Variants in KHDRBS2 observed in about 807,000 individuals in gnomAD.
The protein encoded by KHDRBS2 is KH RNA binding domain containing, signal transduction associated 2, also known as KH domain-containing, RNA-binding, signal transduction-associated protein 2.
KHDRBS2 carries 26 observed loss-of-function variants against 44.3 expected under a neutral mutation model. That is an observed-to-expected ratio of 0.59 (90% CI 0.43 to 0.81). The LOEUF is 0.81. KHDRBS2 is among the 40% of genes least tolerant of loss of function. The pLI is 0.00. For synonymous variants in KHDRBS2, 194 were observed against 151.1 expected (o/e 1.28, Z -2.08); for missense variants, 476 against 433.1 (o/e 1.10, Z -0.88).
chr6:61,701,674 G>A lies in KHDRBS2; in HGVS notation c.894-4421C>T, dbSNP rs372332492. Among the ~76,000 whole-genome samples, 16 of 152,012 alleles carry A rather than the reference G, an allele frequency of 1.1e-4. 1 individual carries two copies. The highest frequency in any genetic ancestry group is 1.0e-3 in the South Asian group (5 of 4,818). On this transcript the variant is annotated intron_variant, in intron 7 of 8. Transcript: ENST00000281156. The stretch of plus-strand genomic sequence containing the variant: ...AAAGAGAACTGAGGTTGCCAGATGC[G>A]CTTATTAAAAAGACAAAACAAAACA...
chr6:62,010,645 T>C (rs946387552), intron 3 of KHDRBS2, among the ~76,000 whole-genome samples: 11 of 152,152 alleles, frequency 7.2e-5, no homozygotes, highest in African/African-American at 2.7e-4. Context: ...CAGGCTGTTC[T>C]TGTGATAATA....
intron 2 of KHDRBS2, among the ~76,000 whole-genome samples, chr6:62,050,961 A>T (rs138940676): frequency 6.6e-6 from 1 of 152,118 alleles, no homozygotes; most frequent in Non-Finnish European, 1.5e-5. Context: ...ACTGATTGAC[A>T]CAACAACCTG....
At chr6:61,994,489 A>G (rs1776795619) in intron 3 of KHDRBS2, among the ~76,000 whole-genome samples, 1 of 152,184 alleles carries the variant, frequency 6.6e-6, no homozygotes, top group South Asian at 2.1e-4. Flanking sequence ...GTTTTGCTCT[A>G]AACAGTCACT....
chr6:61,575,275 C>A, the KHDRBS2 span, among the ~76,000 whole-genome samples: 1 of 152,030 alleles, frequency 6.6e-6, no homozygotes, highest in African/African-American at 2.4e-5. Flanking sequence ...AAGAAAAACA[C>A]AAATAATCCC....
At chr6:61,560,230 G>A in the KHDRBS2 span, among the ~76,000 whole-genome samples, 1 of 152,018 alleles carries the variant, frequency 6.6e-6, no homozygotes, top group Admixed American at 6.6e-5. Flanking sequence ...AAAAATCAAC[G>A]ATCCTTTCTT....
chr6:61,593,020 T>C, the KHDRBS2 span, among the ~76,000 whole-genome samples: 2 of 152,080 alleles, frequency 1.3e-5, no homozygotes, highest in Admixed American at 6.6e-5. Flanking sequence ...TCTATAGAAA[T>C]AGAAGAAGAA....
chr6:61,854,573 C>G (rs1340763595), intron 6 of KHDRBS2, among the ~76,000 whole-genome samples: 1 of 152,116 alleles, frequency 6.6e-6, no homozygotes, highest in Non-Finnish European at 1.5e-5. Flanking sequence ...TAATTTCCTT[C>G]TTGTAACTCA....
the KHDRBS2 span, among the ~76,000 whole-genome samples, chr6:61,546,606 A>T: frequency 6.6e-6 from 1 of 152,192 alleles, no homozygotes; most frequent in African/African-American, 2.4e-5. Context: ...AGCTATACAC[A>T]CATTTAAGAA....
At chr6:62,061,562 T>G (rs2127326871) in intron 2 of KHDRBS2, among the ~76,000 whole-genome samples, 1 of 150,112 alleles carries the variant, frequency 6.7e-6, no homozygotes, top group South Asian at 2.1e-4. Context: ...CTGATGGGCT[T>G]CCCTTTGAGG....
At chr6:62,067,414 A>G (rs1793984901) in intron 2 of KHDRBS2, among the ~76,000 whole-genome samples, 1 of 151,506 alleles carries the variant, frequency 6.6e-6, no homozygotes, top group Admixed American at 6.6e-5. Flanking sequence ...CTCTGTCCAA[A>G]CTAATTAAGA....
the KHDRBS2 span, among the ~76,000 whole-genome samples, chr6:61,569,494 G>A: frequency 6.6e-6 from 1 of 152,142 alleles, no homozygotes; most frequent in Non-Finnish European, 1.5e-5. Flanking sequence ...GGCCATTATA[G>A]CAACTCATGA....
intron 3 of KHDRBS2, among the ~76,000 whole-genome samples, chr6:61,981,927 G>A (rs1006291249): frequency 1.3e-5 from 2 of 152,052 alleles, no homozygotes; most frequent in Non-Finnish European, 2.9e-5. Context: ...TCCCTGATAC[G>A]TCCTGGTATA....
chr6:62,058,207 T>C (rs749455976), intron 2 of KHDRBS2, among the ~76,000 whole-genome samples: 6 of 151,870 alleles, frequency 4.0e-5, no homozygotes, highest in Non-Finnish European at 8.8e-5. Flanking sequence ...ATCTGCTATG[T>C]GATGCAAGGC....
chr6:62,109,242 C>T (rs761447638), intron 2 of KHDRBS2, among the ~76,000 whole-genome samples: 3 of 151,910 alleles, frequency 2.0e-5, no homozygotes, highest in African/African-American at 7.2e-5. Flanking sequence ...ACCATATGAA[C>T]ATTCTGATCA....
chr6:61,945,108 A>ATGTATAT (rs1812982313), intron 4 of KHDRBS2, among the ~76,000 whole-genome samples: 3 of 54,992 alleles, frequency 5.5e-5, no homozygotes, highest in African/African-American at 9.7e-5. Flanking sequence ...AAAAAAAAAA[A>ATGTATAT]AAAAGTATAT....
the KHDRBS2 span, among the ~76,000 whole-genome samples, chr6:61,664,818 G>C: frequency 2.0e-5 from 3 of 151,478 alleles, no homozygotes; most frequent in East Asian, 5.9e-4. Context: ...AAATATATTT[G>C]GTTAAATTGA....
chr6:61,947,674 C>T (rs1430993502), intron 4 of KHDRBS2, among the ~76,000 whole-genome samples: 1 of 151,144 alleles, frequency 6.6e-6, no homozygotes, highest in Non-Finnish European at 1.5e-5. Context: ...TAAAGACATA[C>T]AAGAAAAAAA....
chr6:62,199,663 G>A (rs1311920068), intron 1 of KHDRBS2, among the ~76,000 whole-genome samples: 4 of 152,104 alleles, frequency 2.6e-5, no homozygotes, highest in Admixed American at 6.6e-5. Flanking sequence ...TACTGCCCAA[G>A]GTAATTTAGA....
Position 61,894,828 on chromosome 6 carries a change from C to A in KHDRBS2, c.617G>T (p.Arg206Leu), listed in dbSNP as rs751950650. ...RIAPTAPSRG[R>L]GGAIPPPPPP... Reference sequence around the variant, plus strand: ...TGGGGGAGGAGGAATGGCACCCCCACGGCCCCTAAGAGAAACAAGTCATGT... The same window carrying A: ...TGGGGGAGGAGGAATGGCACCCCCAAGGCCCCTAAGAGAAACAAGTCATGT... Residue 206 changes from arginine (R) to leucine (L), a missense_variant, in exon 6 of 9, where the codon CGT becomes CTT. Arg to Leu is a moderately radical substitution (Grantham distance 102). Coordinates refer to ENST00000281156, the MANE Select transcript of KHDRBS2 (RefSeq NM_152688.4). The A allele has an allele frequency of 3.1e-6, 5 of 1,610,844 alleles. No individual in the cohort carries two copies. The highest frequency in any genetic ancestry group is 4.2e-6 in the Non-Finnish European group (5 of 1,178,862).
Sources: allele counts gnomAD v4.1 joint callset (sites outside exome capture counted in the v4.1 genomes callset), GRCh38; gene constraint gnomAD v4.1.1; transcripts MANE v1.5; gene names NCBI Gene and HGNC (gene_info 2026-07-23, HGNC 2026-07-21).